TTC7B: variants seen among roughly 807,000 people sequenced by gnomAD.
TTC7B encodes tetratricopeptide repeat protein 7B.
A neutral mutation model predicts 106.8 loss-of-function variants in TTC7B; 28 were observed. That is an observed-to-expected ratio of 0.26 (90% CI 0.19 to 0.36). The LOEUF is 0.36. Among genes scored for constraint, TTC7B ranks in the 10% least tolerant of loss-of-function variants. TTC7B has a pLI of 1.00. For synonymous variants in TTC7B, 405 were observed against 430.6 expected, an observed-to-expected ratio of 0.94 and a Z score of 0.74; for missense variants, 862 against 1,076.4, an observed-to-expected ratio of 0.80 and a Z score of 2.79.
At chr14:90,596,554 A>T (rs957803297) in intron 17 of TTC7B, among the ~76,000 whole-genome samples, 1 of 152,186 alleles carries the variant, frequency 6.6e-6, no homozygotes, top group African/African-American at 2.4e-5. Context: ...CACTAGTCTG[A>T]TTCCAAATCT....
At chr14:90,794,254 C>G (rs971084088) in intron 1 of TTC7B, among the ~76,000 whole-genome samples, 1 of 129,208 alleles carries the variant, frequency 7.7e-6, no homozygotes, top group Non-Finnish European at 1.6e-5. Context: ...GAGTCTCGCT[C>G]TGTCACCAGG....
At chr14:90,585,689 T>C (rs1286476) in intron 18 of TTC7B, 44,144 of 152,238 alleles carry the variant, frequency 0.29, 7,162 homozygotes, top group African/African-American at 0.45. Context: ...GCTCCGCACA[T>C]CCAATCAACA....
At chr14:90,560,043 T>C (rs1050961295) in intron 19 of TTC7B, among the ~76,000 whole-genome samples, 1 of 152,226 alleles carries the variant, frequency 6.6e-6, no homozygotes, top group African/African-American at 2.4e-5. Context: ...ACAAGCGCCA[T>C]GTGCCCCAGG....
chr14:90,643,943 G>T, intron 15 of TTC7B, 105 bp downstream of exon 15: 1 of 1,339,442 alleles, frequency 7.5e-7, no homozygotes, highest in Non-Finnish European at 1.1e-6. Context: ...ATTATTGACT[G>T]CCAGGGTGTC....
At chr14:90,803,227 T>TC (rs1017655354) in intron 1 of TTC7B, among the ~76,000 whole-genome samples, 3 of 151,404 alleles carry the variant, frequency 2.0e-5, no homozygotes, top group Non-Finnish European at 2.9e-5. Flanking sequence ...GGTTCCACTC[T>TC]CCCCCCAAGT....
rs1044572637 is a variant in TTC7B at position 90,657,416 on chromosome 14, T to C, written c.1237-138A>G. On this transcript the variant is annotated intron_variant, in intron 10 of 19. Transcript: ENST00000328459. This position sits in a 1 kb window ranked among gnomAD's most constrained non-coding sequence, Gnocchi z 4.2. ...CTTTAAGCCCAAGCAAGCGGGGGCC[T>C]GAGGTGCATGAAAACCAGAGCCTGC... 1.8e-5 allele frequency: 12 copies of C among 684,434 alleles called. No homozygotes were observed. The highest frequency in any genetic ancestry group is 2.9e-5 in the Admixed American group (1 of 34,706). 42.4% of individuals were successfully genotyped at this position (684,434 alleles called of 1,614,324 possible).
At position 90,578,392 on chromosome 14, in the gene TTC7B, C is replaced by T; in HGVS notation, c.2108-84G>A. 7.0e-7 allele frequency: 1 copy of T among 1,425,596 alleles called. No homozygotes were observed. Among genetic ancestry groups the T allele is most frequent in the Non-Finnish European group, 9.7e-7 (1 of 1,031,860 alleles). 88.3% of individuals were successfully genotyped at this position (1,425,596 alleles called of 1,614,324 possible). ...AGCCACCACTCTGATGTTCGTGTTC[C>T]CTGCACGGGAGTCTGGCGGGGCGCA... On this transcript the variant is annotated intron_variant, in intron 18 of 19. Coordinates refer to ENST00000328459, the MANE Select transcript of TTC7B (RefSeq NM_001010854.2). The surrounding 1 kb of genome is among the most constrained non-coding windows in gnomAD (Gnocchi z 4.7).
chr14:90,641,568 TA>T (rs2139877343), intron 15 of TTC7B, among the ~76,000 whole-genome samples: 1 of 152,344 alleles, frequency 6.6e-6, no homozygotes, highest in Admixed American at 6.5e-5. Flanking sequence ...CAACTTTTAA[TA>T]AAGTATTCTT....
At chr14:90,786,424 C>A (rs1891392271) in intron 1 of TTC7B, 96 bp from the exon 2 acceptor site, 1 of 1,467,670 alleles carries the variant, frequency 6.8e-7, no homozygotes, top group Admixed American at 1.9e-5. Context: ...CCCTCCGAGG[C>A]TCCAGGCCCC....
intron 15 of TTC7B, among the ~76,000 whole-genome samples, chr14:90,635,990 G>A (rs1397092044): frequency 6.6e-6 from 1 of 151,138 alleles, no homozygotes; most frequent in African/African-American, 2.4e-5. Context: ...GTGTGGTGGT[G>A]CGCACCTGTA....
intron 8 of TTC7B, 50 bp from the exon 9 acceptor site, chr14:90,676,710 C>A: frequency 6.3e-7 from 1 of 1,594,122 alleles, no homozygotes; most frequent in Non-Finnish European, 8.6e-7. Flanking sequence ...CCTAGTGCTG[C>A]ATGGCGGGGA....
intron 17 of TTC7B, among the ~76,000 whole-genome samples, chr14:90,594,623 T>C (rs973574243): frequency 6.6e-6 from 1 of 152,160 alleles, no homozygotes; most frequent in African/African-American, 2.4e-5. Context: ...CATCAAAAAG[T>C]TTAGTATGGA....
At chr14:90,572,915 C>G (rs1407720417) in intron 19 of TTC7B, among the ~76,000 whole-genome samples, 1 of 152,182 alleles carries the variant, frequency 6.6e-6, no homozygotes, top group African/African-American at 2.4e-5. Context: ...TGGCCCCCAG[C>G]GTACTCTTTG....
intron 19 of TTC7B, among the ~76,000 whole-genome samples, chr14:90,573,482 GCCTCACGGTCCCTCTCA>G (rs1488787233): frequency 3.2e-5 from 4 of 125,122 alleles, no homozygotes; most frequent in African/African-American, 6.8e-5. Context: ...GGCCCTCTCC[GCCTCACGGTCCCTCTCA>G]GCTCACGGTC....
intron 5 of TTC7B, among the ~76,000 whole-genome samples, chr14:90,700,307 C>T (rs1887935436): frequency 6.6e-6 from 1 of 152,178 alleles, no homozygotes; most frequent in African/African-American, 2.4e-5. Context: ...TGTGCCTTCA[C>T]ACTTGCTCCT....
intron 1 of TTC7B, among the ~76,000 whole-genome samples, chr14:90,814,041 T>A (rs2031044843): frequency 6.6e-6 from 1 of 152,234 alleles, no homozygotes; most frequent in Non-Finnish European, 1.5e-5. Flanking sequence ...TCCGGGTAAC[T>A]TTTTGCCATC....
chr14:90,746,152 G>A (rs80099362), intron 3 of TTC7B, among the ~76,000 whole-genome samples: 6,649 of 152,204 alleles, frequency 0.044, 185 homozygotes, highest in Non-Finnish European at 0.057. Context: ...TTTGTGTAGA[G>A]TTGATATTAT....
At chr14:90,542,829 T>C (rs186988544) in intron 19 of TTC7B, among the ~76,000 whole-genome samples, 3 of 152,312 alleles carry the variant, frequency 2.0e-5, no homozygotes, top group African/African-American at 7.2e-5. Context: ...GACAACTATT[T>C]GGACATCCTC....
At chr14:90,628,779 C>A (rs1048437752) in intron 15 of TTC7B, among the ~76,000 whole-genome samples, 2 of 152,236 alleles carry the variant, frequency 1.3e-5, no homozygotes, top group Admixed American at 6.5e-5. Flanking sequence ...GCCTGTTTTA[C>A]ATTTCCTGCC....
Sources: gnomAD v4.1 joint callset for allele counts (sites outside exome capture counted in the v4.1 genomes callset) on GRCh38, gnomAD v4.1.1 for gene constraint, Gnocchi (gnomAD v3.1) non-coding constraint, MANE v1.5 for transcripts, NCBI Gene and HGNC (gene_info 2026-07-23, HGNC 2026-07-21) for gene names.